Variants in SYNE1 observed in about 807,000 individuals in gnomAD.
SYNE1 encodes the protein nesprin-1.
In SYNE1, 616 loss-of-function variants were observed where a neutral mutation model predicts 1,111.0. The ratio of observed to expected loss-of-function variants is 0.55; its 90% CI spans 0.52 to 0.59. The LOEUF (loss-of-function observed/expected upper bound fraction) is 0.59. Ranked by LOEUF, SYNE1 falls within the 20% of genes least tolerant of loss-of-function variation. The pLI is 0.00. For missense variants in SYNE1, 10,006 were observed against 10,417.0 expected (o/e 0.96, Z 1.72); for synonymous variants, 3,855 against 3,825.8 (o/e 1.01, Z -0.28).
At chr6:152,228,553 A>G (rs1453943890) in intron 115 of SYNE1, among the ~76,000 whole-genome samples, 1 of 152,254 alleles carries the variant, frequency 6.6e-6, no homozygotes, top group African/African-American at 2.4e-5. Context: ...GAAAAAGTAA[A>G]GTATGGAAGA....
chr6:152,498,097 AT>A (rs2099009578), intron 11 of SYNE1, among the ~76,000 whole-genome samples: 1 of 152,246 alleles, frequency 6.6e-6, no homozygotes, highest in Admixed American at 6.5e-5. Context: ...TGATTTTTCT[AT>A]TCCAATGTTG....
intron 135 of SYNE1, among the ~76,000 whole-genome samples, chr6:152,150,966 C>T (rs1034640358): frequency 1.3e-5 from 2 of 152,176 alleles, no homozygotes; most frequent in African/African-American, 4.8e-5. Flanking sequence ...AATCCCAGCA[C>T]TTTGGGAGGC....
At chr6:152,143,543 C>G in intron 138 of SYNE1, 80 bp downstream of exon 138, 3 of 1,603,192 alleles carry the variant, frequency 1.9e-6, no homozygotes, top group Admixed American at 3.3e-5. Flanking sequence ...ACATAAAGCC[C>G]TGATGCTGCA....
At chr6:152,314,360 A>G (rs2095644275) in intron 87 of SYNE1, among the ~76,000 whole-genome samples, 1 of 152,152 alleles carries the variant, frequency 6.6e-6, no homozygotes, top group South Asian at 2.1e-4. Context: ...TTCAGCATAC[A>G]TTTTTATCTA....
Position 152,232,409 on chromosome 6 carries a change from T to C in SYNE1, c.20713-144A>G, listed in dbSNP as rs1378138060. On this transcript the variant is annotated intron_variant, in intron 112 of 145. Transcript: ENST00000367255. ...TGACATTTGGAGATCTTACCCTTTC[T>C]GAAAGCTTGAAGTTAAACATCAGGC... 3.7e-5 allele frequency: 33 copies of C among 902,672 alleles called. No individual in the cohort carries two copies. In the Admixed American group the frequency reaches 5.3e-4, roughly 15 times the overall value. The allele number at this position is 902,672 out of a possible 1,614,324, so 55.9% of individuals were successfully genotyped here. A position where few individuals can be genotyped will look rare whatever the true frequency, so the allele number is the denominator to read the frequency against.
At chr6:152,577,106 A>C (rs1218540858) in intron 3 of SYNE1, among the ~76,000 whole-genome samples, 1 of 152,200 alleles carries the variant, frequency 6.6e-6, no homozygotes, top group Admixed American at 6.5e-5. Flanking sequence ...CAGCTAATAA[A>C]GTGTTTTTGT....
In SYNE1 at chr6:152,154,922, T is replaced by C. The variant is rs767773926; in HGVS notation, c.24099A>G (p.Thr8033=). 6.2e-7 allele frequency: 1 copy of C among 1,614,172 alleles called. No individual in the cohort carries two copies. Among genetic ancestry groups the C allele is most frequent in the Admixed American group, 1.7e-5 (1 of 60,024 alleles). The change falls in exon 133 of 146, where the codon ACA becomes ACG. Residue 8033 remains threonine, a synonymous_variant. Coordinates refer to ENST00000367255, the MANE Select transcript of SYNE1 (RefSeq NM_182961.4). ...ATTTCTTTAGTTCTTCCTTGGCAAC[T>C]GTATAGATCACCCCAGAAGAGCTGG... ...AFPSSSGVIY[T]VAKEELKKFE...
chr6:152,228,555 T>A (rs530076786), intron 115 of SYNE1, among the ~76,000 whole-genome samples: 77 of 152,042 alleles, frequency 5.1e-4, no homozygotes, highest in Non-Finnish European at 8.7e-4. Flanking sequence ...AAAAGTAAAG[T>A]ATGGAAGAAA....
At position 152,367,281 on chromosome 6, in the gene SYNE1, C is replaced by T. The variant is rs751576077; in HGVS notation, c.9909G>A (p.Leu3303=). The change falls in exon 62 of 146, where the codon CTG becomes CTA. Residue 3303 remains leucine, a synonymous_variant. Transcript: ENST00000367255. The stretch of plus-strand genomic sequence containing the variant: ...CGGATGTCGGGTGGCAGTATGAATC[C>T]AGCATGTGAATCGCATCCGTCATCC... ...QDWMTDAIHM[L]DSYCHPTSDK... is the part of the protein sequence containing the mutation. 13 of 1,614,076 alleles carry T rather than the reference C, an allele frequency of 8.1e-6. No homozygotes were observed. The South Asian group carries it at 1.3e-4, about 16-fold the overall frequency.
intron 128 of SYNE1, among the ~76,000 whole-genome samples, chr6:152,185,710 G>A (rs1425462586): frequency 1.3e-5 from 2 of 152,202 alleles, no homozygotes; most frequent in Admixed American, 6.5e-5. Flanking sequence ...CCTCACAGGT[G>A]CAAGTTATTA....
chr6:152,225,127 G>A (rs752649404), intron 116 of SYNE1, among the ~76,000 whole-genome samples: 2 of 151,640 alleles, frequency 1.3e-5, no homozygotes, highest in Non-Finnish European at 2.9e-5. Flanking sequence ...TTTTATAGAT[G>A]AGGAAACTGA....
intron 130 of SYNE1, chr6:152,168,190 C>T (rs2064146710): frequency 1.3e-6 from 1 of 771,264 alleles, no homozygotes. Flanking sequence ...CACTCAGGTC[C>T]TCCGCCACCA....
chr6:152,134,218 A>C (rs2056524088), intron 142 of SYNE1: 1 of 152,224 alleles, frequency 6.6e-6, no homozygotes, highest in South Asian at 2.1e-4. Flanking sequence ...TTCCTCTTGA[A>C]TTTAGTGCTA....
chr6:152,123,098 G>A (rs2051963832), intron 145 of SYNE1, among the ~76,000 whole-genome samples: 1 of 152,222 alleles, frequency 6.6e-6, no homozygotes, highest in Admixed American at 6.5e-5. Context: ...ATTAGTTGCT[G>A]TCAGAATCAT....
intron 3 of SYNE1, among the ~76,000 whole-genome samples, chr6:152,586,548 G>A (rs532799059): frequency 1.3e-5 from 2 of 151,588 alleles, no homozygotes; most frequent in South Asian, 4.2e-4. Flanking sequence ...AATTATTTTT[G>A]TTATTTATTT....
rs1419876482 is a variant in SYNE1, at chr6:152,300,767, G to A, written c.17556C>T (p.Arg5852=). ...HPSVVMMTAG[R]CHTLLSPVTE... ...TGACCGGTGACAGCAAAGTGTGACA[G>A]CGACCTGCAGTCATCTGCCACGTAA... is the stretch of plus-strand genomic sequence containing the variant. The change falls in exon 93 of 146, where the codon CGC becomes CGT. Residue 5852 remains arginine, a synonymous_variant. Coordinates refer to ENST00000367255, the MANE Select transcript of SYNE1 (RefSeq NM_182961.4). The A allele has an allele frequency of 1.9e-6, 3 of 1,614,222 alleles. No homozygotes were observed. The highest frequency in any genetic ancestry group is 2.5e-6 in the Non-Finnish European group (3 of 1,180,040).
Position 152,453,800 on chromosome 6 carries a change from C to T in SYNE1, c.2893-80G>A, listed in dbSNP as rs1007189328. ...CAGGCACAATCAGCCTCTAAGCCTC[C>T]AAACAAGCCTCTCAGCCAGCTGCTG... On this transcript the variant is annotated intron_variant, in intron 24 of 145. Transcript: ENST00000367255. 5.7e-6 allele frequency: 9 copies of T among 1,579,732 alleles called. No individual in the cohort carries two copies. In the African/African-American group the frequency reaches 1.1e-4, roughly 19 times the overall value.
intron 3 of SYNE1, among the ~76,000 whole-genome samples, chr6:152,561,583 A>T (rs564559026): frequency 6.6e-6 from 1 of 152,262 alleles, no homozygotes; most frequent in East Asian, 1.9e-4. Context: ...AGTCCTAAAA[A>T]TTGTATGGAA....
intron 115 of SYNE1, 120 bp from the exon 116 acceptor site, chr6:152,225,996 C>A: frequency 2.0e-6 from 2 of 1,004,852 alleles, no homozygotes; most frequent in Non-Finnish European, 1.5e-6. Context: ...AAAAGCTTAT[C>A]TCTTTCAGAA....
Sources: allele counts gnomAD v4.1 joint callset (sites outside exome capture counted in the v4.1 genomes callset), GRCh38; gene constraint gnomAD v4.1.1; transcripts MANE v1.5; gene names NCBI Gene and HGNC (gene_info 2026-07-23, HGNC 2026-07-21).